Variants in GAB2 observed in about 807,000 individuals in gnomAD.
The protein encoded by GAB2 is GRB2-associated-binding protein 2.
GAB2 carries 26 observed loss-of-function variants against 65.5 expected under a neutral mutation model. The observed-to-expected ratio is 0.40, with a 90% CI of 0.29 to 0.55. The LOEUF (loss-of-function observed/expected upper bound fraction) is 0.55, where lower values mean the gene tolerates loss of function less well. Ranked by LOEUF, GAB2 falls within the 20% of genes least tolerant of loss-of-function variation. GAB2 has a pLI of 0.53. For synonymous variants in GAB2, 321 were observed against 329.6 expected (o/e 0.97, Z 0.28); for missense variants, 884 against 875.8 (o/e 1.01, Z -0.12).
chr11:78,274,009 TTTTTG>T (rs759109078), intron 2 of GAB2, among the ~76,000 whole-genome samples: 31 of 152,228 alleles, frequency 2.0e-4, no homozygotes, highest in Non-Finnish European at 3.8e-4. Flanking sequence ...CCTGTTTTTT[TTTTTG>T]TTTTGTTTTT....
At position 78,292,221 on chromosome 11, in the gene GAB2, C is replaced by A. The variant is rs113668307; in HGVS notation, c.76-11320G>T. On this transcript the variant is annotated intron_variant, in intron 1 of 9. Coordinates refer to ENST00000361507, the MANE Select transcript of GAB2 (RefSeq NM_080491.3). ...TCATAGGATTCTCTAGGTTTACTGG[C>A]AGTTTTTGGTTTTACCCTCTTCAGA... 3.0e-3 allele frequency among the ~76,000 whole-genome samples: 453 copies of A among 152,262 alleles called. 2 individuals carry two copies. The highest frequency in any genetic ancestry group is 0.01 in the African/African-American group (420 of 41,546).
At chr11:78,395,093 CAGAG>C (rs1856879065) in intron 1 of GAB2, among the ~76,000 whole-genome samples, 1 of 152,172 alleles carries the variant, frequency 6.6e-6, no homozygotes, top group Non-Finnish European at 1.5e-5. Flanking sequence ...GAAGAAATAT[CAGAG>C]AGAGACTGTA....
intron 2 of GAB2, among the ~76,000 whole-genome samples, chr11:78,277,474 G>A (rs192918042): frequency 2.0e-5 from 3 of 152,158 alleles, no homozygotes; most frequent in East Asian, 1.9e-4. Context: ...TCTCCCAATC[G>A]ATAGAAAACA....
chr11:78,360,499 T>C (rs539421912), intron 1 of GAB2, among the ~76,000 whole-genome samples: 26 of 152,050 alleles, frequency 1.7e-4, no homozygotes, highest in Non-Finnish European at 3.1e-4. Context: ...TTAAAATGTA[T>C]GTGCTGATAA....
intron 3 of GAB2, among the ~76,000 whole-genome samples, chr11:78,228,767 C>A (rs544829047): frequency 1.3e-5 from 2 of 150,362 alleles, no homozygotes; most frequent in East Asian, 3.9e-4. Flanking sequence ...ACCAAGCCAA[C>A]AGCCATGGGC....
In GAB2 at chr11:78,226,865, G is replaced by A. The variant is rs377665699; in HGVS notation, c.807C>T (p.Pro269=). ...TGTGGCCATGGGAGGCCAGGCTGCG[G>A]GGGAGGTCGTAGGTACTGTCTCTGA... The part of the protein sequence containing the change: ...TEFRDSTYDL[P]RSLASHGHTK... Residue 269 remains proline, a synonymous_variant, in exon 4 of 10, where the codon CCC becomes CCT. Coordinates refer to ENST00000361507, the MANE Select transcript of GAB2 (RefSeq NM_080491.3). 2.8e-5 allele frequency: 45 copies of A among 1,614,028 alleles called. No individual in the cohort carries two copies. Among genetic ancestry groups the A allele is most frequent in the Non-Finnish European group, 3.6e-5 (43 of 1,180,026 alleles).
intron 1 of GAB2, among the ~76,000 whole-genome samples, chr11:78,405,315 G>A (rs766637572): frequency 9.9e-5 from 15 of 152,066 alleles, no homozygotes; most frequent in Non-Finnish European, 1.9e-4. Context: ...AGCCAGGATG[G>A]TCTCGATCTC....
At chr11:78,244,932 T>C (rs943108800) in intron 3 of GAB2, among the ~76,000 whole-genome samples, 1 of 152,248 alleles carries the variant, frequency 6.6e-6, no homozygotes, top group Non-Finnish European at 1.5e-5. Context: ...ATCCCATTAC[T>C]GGGTATATAT....
chr11:78,263,860 G>A (rs1865802519), intron 2 of GAB2, among the ~76,000 whole-genome samples: 1 of 151,026 alleles, frequency 6.6e-6, no homozygotes, highest in Non-Finnish European at 1.5e-5. Flanking sequence ...CAGTGACTGA[G>A]TGCCTAGTCA....
intron 2 of GAB2, among the ~76,000 whole-genome samples, chr11:78,274,547 T>G (rs1039903198): frequency 1.3e-5 from 2 of 152,176 alleles, no homozygotes; most frequent in African/African-American, 4.8e-5. Context: ...ACAGAAAGTA[T>G]TTTATCCCTA....
chr11:78,236,913 C>T lies in GAB2; in HGVS notation c.621-9862G>A, dbSNP rs544344791. Among the ~76,000 whole-genome samples the T allele has an allele frequency of 9.2e-5, 14 of 152,196 alleles. No homozygotes were observed. In the South Asian group the frequency reaches 1.7e-3, roughly 18 times the overall value. On this transcript the variant is annotated intron_variant, in intron 3 of 9. Coordinates refer to ENST00000361507, the MANE Select transcript of GAB2 (RefSeq NM_080491.3). ...TCCCAAACAGACACATATAGATATA[C>T]ACACATACGTATTTAGTTGGATTCG...
Position 78,374,555 on chromosome 11 carries a change from A to G in GAB2, c.75+43091T>C, listed in dbSNP as rs553280522. Among the ~76,000 whole-genome samples the G allele has an allele frequency of 2.6e-5, 4 of 152,344 alleles. No homozygotes were observed. In the South Asian group the frequency reaches 8.3e-4, roughly 32 times the overall value. On this transcript the variant is annotated intron_variant, in intron 1 of 9. Coordinates refer to ENST00000361507, the MANE Select transcript of GAB2 (RefSeq NM_080491.3). Reference sequence around the variant, plus strand: ...TTACTCATCATCCATTTCTTAATGTATAAAATAATGATTCAAATATTTGCA... The same window carrying G: ...TTACTCATCATCCATTTCTTAATGTGTAAAATAATGATTCAAATATTTGCA...
At chr11:78,227,137 C>A in intron 3 of GAB2, 86 bp from the exon 4 acceptor site, 1 of 931,096 alleles carries the variant, frequency 1.1e-6, no homozygotes, top group Non-Finnish European at 1.7e-6. Flanking sequence ...TCTTTCTATA[C>A]TTTGGTTTAG....
chr11:78,309,971 T>TGTGC (rs1421836447), intron 1 of GAB2, among the ~76,000 whole-genome samples: 112 of 120,178 alleles, frequency 9.3e-4, no homozygotes, highest in African/African-American at 2.1e-3. Flanking sequence ...TGTGTGTGTG[T>TGTGC]GCGCGCGCGC....
intron 1 of GAB2, among the ~76,000 whole-genome samples, chr11:78,340,020 G>A (rs1392070582): frequency 6.6e-6 from 1 of 152,124 alleles, no homozygotes; most frequent in African/African-American, 2.4e-5. Context: ...TTTTTTAAAT[G>A]TAGCTTCCTG....
At chr11:78,250,996 G>A (rs1056975275) in intron 2 of GAB2, among the ~76,000 whole-genome samples, 1 of 152,018 alleles carries the variant, frequency 6.6e-6, no homozygotes, top group African/African-American at 2.4e-5. Flanking sequence ...AACTACCTAT[G>A]GGGTACAATG....
intron 1 of GAB2, among the ~76,000 whole-genome samples, chr11:78,305,767 T>C (rs1565151889): frequency 6.6e-6 from 1 of 152,228 alleles, no homozygotes; most frequent in South Asian, 2.1e-4. Context: ...CCCTGAGGAA[T>C]AGGGCTCTCT....
At chr11:78,282,426 A>G (rs1379827861) in intron 1 of GAB2, among the ~76,000 whole-genome samples, 4 of 151,548 alleles carry the variant, frequency 2.6e-5, no homozygotes, top group African/African-American at 9.7e-5. Context: ...ATCCTGCCTC[A>G]GCCTACGGAG....
chr11:78,300,296 A>T (rs963099939), intron 1 of GAB2, among the ~76,000 whole-genome samples: 2 of 152,168 alleles, frequency 1.3e-5, no homozygotes, highest in Admixed American at 1.3e-4. Flanking sequence ...CAGTAGTTTA[A>T]AAAATTGCTG....
Sources: gnomAD v4.1 joint callset for allele counts (sites outside exome capture counted in the v4.1 genomes callset) on GRCh38, gnomAD v4.1.1 for gene constraint, MANE v1.5 for transcripts, NCBI Gene and HGNC (gene_info 2026-07-23, HGNC 2026-07-21) for gene names.